The following DGKB variants were observed in gnomAD, a reference collection of about 807,000 sequenced individuals.
DGKB encodes diacylglycerol kinase beta.
In DGKB, 67 loss-of-function variants were observed where a neutral mutation model predicts 114.3. The observed-to-expected ratio is 0.59, with a 90% CI of 0.48 to 0.72. The LOEUF (loss-of-function observed/expected upper bound fraction) is 0.72, where lower values mean the gene tolerates loss of function less well. DGKB is among the 30% of genes least tolerant of loss of function. The probability of loss-of-function intolerance (pLI) is 0.00; values close to 1 mark genes in which losing one functional copy is unlikely to be tolerated. For missense variants in DGKB, 907 were observed against 975.2 expected (o/e 0.93, Z 0.93); for synonymous variants, 398 against 323.1 (o/e 1.23, Z -2.49).
Position 14,257,113 on chromosome 7 carries a change from T to C in DGKB, c.2123-78962A>G, listed in dbSNP as rs573014599. 1.1e-4 allele frequency among the ~76,000 whole-genome samples: 16 copies of C among 152,290 alleles called. No individual in the cohort carries two copies. The South Asian group carries it at 3.3e-3, about 32-fold the overall frequency. ...AGGAATTCAAGGTTACAGTGAGCTATGATCTTGCCAATGGACTCTAGCCTG... is the reference window on the plus strand; with the variant it reads ...AGGAATTCAAGGTTACAGTGAGCTACGATCTTGCCAATGGACTCTAGCCTG... On this transcript the variant is annotated intron_variant, in intron 23 of 25. Transcript: ENST00000402815.
At position 14,146,594 on chromosome 7, in the gene DGKB, A is replaced by G. The variant is rs1403081711; in HGVS notation, c.*2537T>C. 6.6e-6 allele frequency: 1 copy of G among 152,180 alleles called. No homozygotes were observed. 9.4% of individuals were successfully genotyped at this position (152,180 alleles called of 1,614,324 possible). On this transcript the variant is annotated 3_prime_UTR_variant, in exon 26 of 26. Transcript: ENST00000402815. ...ATATGAAGCTGTCATAAAACTGATG[A>G]GAATATCTTCTCTGATTTCAAACCC... is the stretch of plus-strand genomic sequence containing the variant.
intron 6 of DGKB, among the ~76,000 whole-genome samples, chr7:14,716,110 T>C (rs1485581015): frequency 6.6e-6 from 1 of 152,170 alleles, no homozygotes; most frequent in African/African-American, 2.4e-5. Context: ...TAACAAATAC[T>C]GCCACTATTC....
At chr7:14,709,246 C>G (rs550980278) in intron 6 of DGKB, among the ~76,000 whole-genome samples, 3 of 151,824 alleles carry the variant, frequency 2.0e-5, no homozygotes, top group Non-Finnish European at 4.4e-5. Flanking sequence ...CAGAGAAATG[C>G]AAATCAAAAC....
intron 2 of DGKB, among the ~76,000 whole-genome samples, chr7:14,823,877 G>C (rs1406560256): frequency 6.6e-6 from 1 of 151,996 alleles, no homozygotes; most frequent in African/African-American, 2.4e-5. Flanking sequence ...TTTTCTTTTA[G>C]CTCTATGTAT....
chr7:14,185,962 G>A (rs1015087620), intron 23 of DGKB, among the ~76,000 whole-genome samples: 2 of 152,114 alleles, frequency 1.3e-5, no homozygotes, highest in African/African-American at 4.8e-5. Flanking sequence ...GCTTAGGCAA[G>A]GATTTCATGA....
intron 20 of DGKB, among the ~76,000 whole-genome samples, chr7:14,522,947 T>C (rs1790025549): frequency 2.0e-5 from 3 of 152,178 alleles, no homozygotes; most frequent in African/African-American, 7.2e-5. Context: ...AGTTTTTCAC[T>C]AAAAGTTAAT....
chr7:14,699,476 C>A (rs1035077039), intron 7 of DGKB, among the ~76,000 whole-genome samples: 1 of 152,138 alleles, frequency 6.6e-6, no homozygotes, highest in African/African-American at 2.4e-5. Flanking sequence ...CTAACTTTAC[C>A]TCCTTCATAG....
At chr7:14,474,359 C>T (rs201811955) in intron 21 of DGKB, among the ~76,000 whole-genome samples, 1 of 152,166 alleles carries the variant, frequency 6.6e-6, no homozygotes, top group African/African-American at 2.4e-5. Context: ...ATTGTGAGGC[C>T]TTCTCAGCCA....
intron 14 of DGKB, among the ~76,000 whole-genome samples, chr7:14,629,600 G>A (rs905110450): frequency 7.2e-5 from 11 of 151,966 alleles, no homozygotes; most frequent in Non-Finnish European, 1.6e-4. Flanking sequence ...CAATTGAATT[G>A]GATACTGTCA....
At chr7:14,206,206 A>T (rs1786784512) in intron 23 of DGKB, among the ~76,000 whole-genome samples, 1 of 152,038 alleles carries the variant, frequency 6.6e-6, no homozygotes, top group South Asian at 2.1e-4. Context: ...TGTAATTAAA[A>T]CACCAGTTGA....
chr7:14,407,293 T>C (rs1344290662), intron 21 of DGKB, among the ~76,000 whole-genome samples: 1 of 152,146 alleles, frequency 6.6e-6, no homozygotes, highest in Non-Finnish European at 1.5e-5. Context: ...CTATTATGTC[T>C]ATTGTTCAAC....
At chr7:14,633,885 A>C (rs1325670326) in intron 13 of DGKB, among the ~76,000 whole-genome samples, 1 of 151,594 alleles carries the variant, frequency 6.6e-6, no homozygotes, top group African/African-American at 2.4e-5. Context: ...TTTAATATCA[A>C]AGAATTTTTT....
chr7:14,435,267 T>C (rs1389970010), intron 21 of DGKB, among the ~76,000 whole-genome samples: 2 of 152,116 alleles, frequency 1.3e-5, no homozygotes, highest in African/African-American at 2.4e-5. Context: ...TAAACATCCA[T>C]TGATTCATCA....
At chr7:14,910,166 G>A (rs955091599) in intron 1 of DGKB, among the ~76,000 whole-genome samples, 1 of 151,510 alleles carries the variant, frequency 6.6e-6, no homozygotes, top group African/African-American at 2.4e-5. Flanking sequence ...GCTTGAACCT[G>A]GGAGGCAGAG....
chr7:14,827,486 ACCTCTAG>A (rs1437670361), intron 2 of DGKB, among the ~76,000 whole-genome samples: 5 of 151,970 alleles, frequency 3.3e-5, no homozygotes, highest in Non-Finnish European at 5.9e-5. Flanking sequence ...AGAAATCTCA[ACCTCTAG>A]CAGTGGACTT....
chr7:14,555,877 G>T (rs1021857003), intron 20 of DGKB, among the ~76,000 whole-genome samples: 1 of 152,154 alleles, frequency 6.6e-6, no homozygotes, highest in Admixed American at 6.5e-5. Flanking sequence ...GGTCTAAAAA[G>T]GGGAGGCATG....
At chr7:14,679,141 G>T (rs1325117822) in intron 12 of DGKB, among the ~76,000 whole-genome samples, 1 of 151,878 alleles carries the variant, frequency 6.6e-6, no homozygotes. Flanking sequence ...TCCTTCTACA[G>T]GAGAGAGAGA....
intron 23 of DGKB, among the ~76,000 whole-genome samples, chr7:14,287,142 A>T (rs1562843828): frequency 6.6e-6 from 1 of 152,104 alleles, no homozygotes; most frequent in Non-Finnish European, 1.5e-5. Flanking sequence ...TTGTGAACTT[A>T]TTATTACAGA....
intron 13 of DGKB, among the ~76,000 whole-genome samples, chr7:14,632,306 C>T (rs968853413): frequency 2.0e-5 from 3 of 151,646 alleles, no homozygotes; most frequent in Non-Finnish European, 4.4e-5. Context: ...AGAAAATTGT[C>T]CTTAGTCTTA....
Sources: allele counts gnomAD v4.1 joint callset (sites outside exome capture counted in the v4.1 genomes callset), GRCh38; gene constraint gnomAD v4.1.1; transcripts MANE v1.5; gene names NCBI Gene and HGNC (gene_info 2026-07-23, HGNC 2026-07-21).